The following ZNF148 variants were observed in gnomAD, a reference collection of about 807,000 sequenced individuals.
The protein encoded by ZNF148 is Beta-Enolase Repressor Factor-1.
ZNF148 carries 7 observed loss-of-function variants against 67.7 expected under a neutral mutation model. The ratio of observed to expected loss-of-function variants is 0.10; its 90% CI spans 0.06 to 0.19. The LOEUF (loss-of-function observed/expected upper bound fraction) is 0.19. Ranked by LOEUF, ZNF148 falls within the 10% of genes least tolerant of loss-of-function variation. The pLI is 1.00. For missense variants in ZNF148, 583 were observed against 947.1 expected (o/e 0.62, Z 5.05); for synonymous variants, 333 against 330.7 (o/e 1.01, Z -0.08).
intron 1 of ZNF148, among the ~76,000 whole-genome samples, chr3:125,352,057 G>T (rs1942171527): frequency 6.8e-6 from 1 of 147,846 alleles, no homozygotes. Flanking sequence ...ATACACAAAA[G>T]AAATGAAAAC....
In ZNF148 at chr3:125,233,836, G is replaced by C. The variant is rs1394441140; in HGVS notation, c.890C>G (p.Ser297Cys). ...TGTAGAAAAGCCAGAATCTTCCTCA[G>C]ATGTCAGAAGGCCACCTTTGATGGC... ...RCAIKGGLLT[S>C]EEDSGFSTSP... The change falls in exon 9 of 9, where the codon TCT becomes TGT. Residue 297 changes from serine (S) to cysteine (C), a missense_variant. Physicochemically the swap from Ser to Cys is moderately radical, Grantham distance 112. This residue lies in a region of ZNF148 where 78 missense variants were observed against 86.5 expected (regional missense o/e 0.90). Transcript: ENST00000360647. This position sits in a 1 kb window ranked among gnomAD's most constrained non-coding sequence, Gnocchi z 5.1. 1.1e-5 allele frequency: 17 copies of C among 1,613,520 alleles called. No individual in the cohort carries two copies. Among genetic ancestry groups the C allele is most frequent in the Non-Finnish European group, 1.4e-5 (16 of 1,179,852 alleles).
chr3:125,355,255 G>T (rs1942298634), intron 1 of ZNF148, among the ~76,000 whole-genome samples: 2 of 152,134 alleles, frequency 1.3e-5, no homozygotes, highest in Admixed American at 1.3e-4. Context: ...AACTTTCATA[G>T]GTTTAAATCA....
chr3:125,232,911 G>A lies in ZNF148; in HGVS notation c.1815C>T (p.Tyr605=), dbSNP rs372608370. 31 of 1,613,692 alleles carry A rather than the reference G, an allele frequency of 1.9e-5. No individual in the cohort carries two copies. Among genetic ancestry groups the A allele is most frequent in the Non-Finnish European group, 2.5e-5 (29 of 1,179,812 alleles). The change falls in exon 9 of 9, where the codon TAC becomes TAT. Residue 605 remains tyrosine, a synonymous_variant. Coordinates refer to ENST00000360647, the MANE Select transcript of ZNF148 (RefSeq NM_021964.3). The surrounding 1 kb of genome is among the most constrained non-coding windows in gnomAD (Gnocchi z 4.2). ...SSDKANMLQE[Y]SKFLQQALDR... is the part of the protein sequence containing the mutation. ...CCAAAGCCTGCTGCAGAAACTTGGA[G>A]TATTCCTGCAACATGTTGGCTTTAT...
intron 1 of ZNF148, among the ~76,000 whole-genome samples, chr3:125,349,596 G>A (rs907485098): frequency 6.6e-6 from 1 of 152,224 alleles, no homozygotes; most frequent in Admixed American, 6.5e-5. Flanking sequence ...TGGTGAGGCT[G>A]TGAAGAGAAG....
intron 3 of ZNF148, among the ~76,000 whole-genome samples, 161 bp downstream of exon 3, chr3:125,323,148 C>A (rs933545974): frequency 6.6e-6 from 1 of 152,066 alleles, no homozygotes; most frequent in Admixed American, 6.6e-5. Flanking sequence ...ATTTAAATTT[C>A]TTTTCTCAGG....
At chr3:125,312,191 GATCAA>G (rs1028089660) in intron 4 of ZNF148, among the ~76,000 whole-genome samples, 2 of 152,102 alleles carry the variant, frequency 1.3e-5, no homozygotes, top group African/African-American at 4.8e-5. Context: ...CTCAAAATAT[GATCAA>G]ATCAAATCCA....
intron 4 of ZNF148, among the ~76,000 whole-genome samples, chr3:125,310,402 T>A (rs1940138075): frequency 1.3e-5 from 2 of 152,100 alleles, no homozygotes; most frequent in African/African-American, 2.4e-5. Flanking sequence ...TTAACAGAAA[T>A]TTTAAAATAT....
At chr3:125,295,484 T>C (rs770317173) in intron 4 of ZNF148, among the ~76,000 whole-genome samples, 2 of 151,422 alleles carry the variant, frequency 1.3e-5, no homozygotes, top group Non-Finnish European at 2.9e-5. Flanking sequence ...GCCAAGAATA[T>C]TTAGATGAAA....
At chr3:125,293,722 A>G (rs1939139863) in intron 4 of ZNF148, among the ~76,000 whole-genome samples, 1 of 152,236 alleles carries the variant, frequency 6.6e-6, no homozygotes, top group African/African-American at 2.4e-5. Flanking sequence ...AAAATGAAAC[A>G]GTAAAAACAA....
rs546413547 is a variant in ZNF148 at position 125,360,796 on chromosome 3, T to C, written c.-234+14306A>G. ...AAGTTTAAGACCAGCCTGGGCAACA[T>C]AGGAAGACCACATCTCTTTAAAAAA... On this transcript the variant is annotated intron_variant, in intron 1 of 8. Transcript: ENST00000360647. 3.9e-3 allele frequency among the ~76,000 whole-genome samples: 580 copies of C among 149,426 alleles called. 7 individuals are homozygous for C. The highest frequency in any genetic ancestry group is 5.1e-3 in the Non-Finnish European group (347 of 67,416).
At chr3:125,325,494 C>G (rs139226646) in intron 2 of ZNF148, among the ~76,000 whole-genome samples, 1 of 151,980 alleles carries the variant, frequency 6.6e-6, no homozygotes, top group Non-Finnish European at 1.5e-5. Context: ...GAGACAGAGT[C>G]TCACTCAGTT....
chr3:125,371,238 C>A (rs1459952108), intron 1 of ZNF148, among the ~76,000 whole-genome samples: 1 of 151,690 alleles, frequency 6.6e-6, no homozygotes, highest in South Asian at 2.1e-4. Context: ...TGCCTGTATT[C>A]CCGGCTACTT....
intron 4 of ZNF148, among the ~76,000 whole-genome samples, chr3:125,308,573 A>G (rs971702019): frequency 1.3e-5 from 2 of 151,612 alleles, no homozygotes; most frequent in Non-Finnish European, 2.9e-5. Flanking sequence ...CATACTTTAT[A>G]TGAAAATGCA....
At chr3:125,275,194 G>A (rs1937984095) in intron 7 of ZNF148, among the ~76,000 whole-genome samples, 1 of 152,178 alleles carries the variant, frequency 6.6e-6, no homozygotes, top group Non-Finnish European at 1.5e-5. Context: ...GAACAATAGG[G>A]CAGAATTGAT....
At chr3:125,324,614 A>T (rs1332109671) in intron 2 of ZNF148, among the ~76,000 whole-genome samples, 1 of 152,210 alleles carries the variant, frequency 6.6e-6, no homozygotes, top group Non-Finnish European at 1.5e-5. Context: ...CTATCTATCA[A>T]GAATAGTTCA....
chr3:125,319,973 C>A (rs557070049), intron 3 of ZNF148, among the ~76,000 whole-genome samples: 23 of 152,294 alleles, frequency 1.5e-4, no homozygotes, highest in African/African-American at 5.5e-4. Context: ...ATCAAACTGT[C>A]CTTAGCTGAC....
At chr3:125,341,879 C>A (rs1941736687) in intron 1 of ZNF148, among the ~76,000 whole-genome samples, 1 of 151,794 alleles carries the variant, frequency 6.6e-6, no homozygotes, top group Admixed American at 6.6e-5. Flanking sequence ...ACCTGTAGTC[C>A]CAGCTACTCA....
chr3:125,351,521 T>C (rs1279948156), intron 1 of ZNF148, among the ~76,000 whole-genome samples: 2 of 152,028 alleles, frequency 1.3e-5, no homozygotes, highest in Admixed American at 1.3e-4. Context: ...ACTTAGAAAT[T>C]TGTTAAAAGG....
At chr3:125,360,823 A>T (rs968321539) in intron 1 of ZNF148, among the ~76,000 whole-genome samples, 2 of 150,136 alleles carry the variant, frequency 1.3e-5, no homozygotes, top group African/African-American at 2.4e-5. Flanking sequence ...TTTAAAAAAA[A>T]AAAATTAAAA....
Sources: allele counts gnomAD v4.1 joint callset (sites outside exome capture counted in the v4.1 genomes callset), GRCh38; gene constraint gnomAD v4.1.1; regional missense constraint gnomAD v4.1.1; non-coding constraint Gnocchi (gnomAD v3.1); transcripts MANE v1.5; gene names NCBI Gene and HGNC (gene_info 2026-07-23, HGNC 2026-07-21).